HIP1: variants seen among roughly 807,000 people sequenced by gnomAD.
HIP1 encodes the protein huntingtin-interacting protein 1.
Under a neutral mutation model 147.6 loss-of-function variants are expected in HIP1, and 65 were observed. The observed-to-expected ratio is 0.44, with a 90% confidence interval of 0.36 to 0.54. The LOEUF (loss-of-function observed/expected upper bound fraction) is 0.54. Among genes scored for constraint, HIP1 ranks in the 20% least tolerant of loss-of-function variants. HIP1 has a pLI of 0.00. For synonymous variants in HIP1, 479 were observed against 504.0 expected, an observed-to-expected ratio of 0.95 and a Z score of 0.67; for missense variants, 1,061 against 1,299.6, an observed-to-expected ratio of 0.82 and a Z score of 2.82.
intron 1 of HIP1, among the ~76,000 whole-genome samples, chr7:75,714,511 G>A (rs1584972820): frequency 6.7e-6 from 1 of 148,890 alleles, no homozygotes; most frequent in East Asian, 2.0e-4. Context: ...GGAGTGCAGT[G>A]GCACAATCTC....
chr7:75,551,258 T>C (rs895623846), intron 22 of HIP1, among the ~76,000 whole-genome samples: 3 of 134,600 alleles, frequency 2.2e-5, no homozygotes, highest in Admixed American at 8.5e-5. Context: ...AGTGCAGTGG[T>C]GCAATCTCGG....
intron 1 of HIP1, among the ~76,000 whole-genome samples, chr7:75,670,182 C>A (rs1554515103): frequency 6.6e-6 from 1 of 151,944 alleles, no homozygotes; most frequent in African/African-American, 2.4e-5. Context: ...GGGTCTCACT[C>A]TGTTGCCTAG....
intron 5 of HIP1, among the ~76,000 whole-genome samples, chr7:75,585,165 A>G (rs1796206526): frequency 7.0e-6 from 1 of 142,462 alleles, no homozygotes; most frequent in African/African-American, 2.6e-5. Context: ...TAACACTTTC[A>G]ATCTCTACTC....
intron 1 of HIP1, among the ~76,000 whole-genome samples, chr7:75,647,136 C>T (rs993943332): frequency 1.4e-5 from 2 of 139,722 alleles, no homozygotes; most frequent in Non-Finnish European, 3.0e-5. Flanking sequence ...GAGGCTGAGG[C>T]GAGCAGATCA....
Position 75,536,864 on chromosome 7 carries a change from A to C in HIP1, c.*1308T>G, listed in dbSNP as rs144048066. The C allele has an allele frequency of 3.9e-3, 903 of 230,716 alleles. 5 individuals carry two copies. Among genetic ancestry groups the C allele is most frequent in the Middle Eastern group, 0.018 (14 of 776 alleles). 14.3% of individuals were successfully genotyped at this position (230,716 alleles called of 1,614,324 possible). A position where few individuals can be genotyped will look rare whatever the true frequency, so the allele number is the denominator to read the frequency against. ...CTGATTGCTCCAAGCATCTCTTTGT[A>C]GGCTGTTGCTGCTTAAGGGAGGTTA... On this transcript the variant is annotated 3_prime_UTR_variant, in exon 31 of 31. Transcript: ENST00000336926.
At chr7:75,576,244 A>C (rs1191186853) in intron 7 of HIP1, among the ~76,000 whole-genome samples, 1 of 152,204 alleles carries the variant, frequency 6.6e-6, no homozygotes, top group Non-Finnish European at 1.5e-5. Context: ...CTTCAATGAG[A>C]ATGCTGGGAA....
In HIP1 at chr7:75,560,001, C is replaced by T. The variant is rs1795167690; in HGVS notation, c.1192-86G>A. 26 of 1,304,810 alleles carry T rather than the reference C, an allele frequency of 2.0e-5. 1 individual carries two copies. In the South Asian group the frequency reaches 3.8e-4, roughly 19 times the overall value. 80.8% of individuals were successfully genotyped at this position (1,304,810 alleles called of 1,614,324 possible). A position where few individuals can be genotyped will look rare whatever the true frequency, so the allele number is the denominator to read the frequency against. On this transcript the variant is annotated intron_variant, in intron 13 of 30. Coordinates refer to ENST00000336926, the MANE Select transcript of HIP1 (RefSeq NM_005338.7). ...CGGAGAAGCGGGTCCTACCATGCTTCCAAGTAAATACCTGATTCCCCTAAG... is the reference window on the plus strand; with the variant it reads ...CGGAGAAGCGGGTCCTACCATGCTTTCAAGTAAATACCTGATTCCCCTAAG...
chr7:75,638,002 A>ACC (rs1798499383), intron 1 of HIP1, among the ~76,000 whole-genome samples: 1 of 45,090 alleles, frequency 2.2e-5, no homozygotes, highest in Non-Finnish European at 3.9e-5. Context: ...CCACACACAC[A>ACC]CATACACACA....
chr7:75,708,645 G>GA (rs1554519905), intron 1 of HIP1, among the ~76,000 whole-genome samples: 2 of 152,012 alleles, frequency 1.3e-5, no homozygotes. Flanking sequence ...GCACTCTGTT[G>GA]AAAAATCATT....
intron 1 of HIP1, among the ~76,000 whole-genome samples, chr7:75,639,905 C>T (rs1175067017): frequency 6.6e-6 from 1 of 152,180 alleles, no homozygotes. Context: ...CCCAGGAAGG[C>T]TCTGAGCGTC....
chr7:75,617,981 T>A (rs1382073054), intron 1 of HIP1, among the ~76,000 whole-genome samples: 1 of 152,170 alleles, frequency 6.6e-6, no homozygotes, highest in Non-Finnish European at 1.5e-5. Flanking sequence ...CAGACTGGAG[T>A]GGCCTTTCGT....
chr7:75,604,811 CA>C (rs1268543958), intron 1 of HIP1, among the ~76,000 whole-genome samples: 1 of 152,104 alleles, frequency 6.6e-6, no homozygotes, highest in Admixed American at 6.6e-5. Context: ...ACTGCTTGAC[CA>C]ATTGCTCAAA....
chr7:75,540,188 G>GGCTT (rs1554489580), intron 29 of HIP1, among the ~76,000 whole-genome samples: 1 of 152,126 alleles, frequency 6.6e-6, no homozygotes, highest in East Asian at 1.9e-4. Context: ...AGCACTTTGG[G>GGCTT]AGGCCAACGT....
Position 75,562,948 on chromosome 7 carries a change from T to A in HIP1, c.1007A>T (p.Asp336Val), listed in dbSNP as rs1795280845. 1 of 1,614,164 alleles carries A rather than the reference T, an allele frequency of 6.2e-7. No individual in the cohort carries two copies. Among genetic ancestry groups the A allele is most frequent in the Non-Finnish European group, 8.5e-7 (1 of 1,180,016 alleles). ...AGTGGTCCTCACCTGCTGAGAGGCA[T>A]CCATGTCCATGAGGTCATCCTTCTC... ...VLEKDDLMDM[D>V]ASQQNLFDNK... The change falls in exon 11 of 31, where the codon GAT (aspartate) becomes GTT (valine). Residue 336 changes from aspartate to valine, a missense_variant. By Grantham distance (152) the Asp-to-Val change is radical. Transcript: ENST00000336926.
chr7:75,661,025 T>C (rs1554513512), intron 1 of HIP1, among the ~76,000 whole-genome samples: 1 of 152,034 alleles, frequency 6.6e-6, no homozygotes, highest in Non-Finnish European at 1.5e-5. Flanking sequence ...ACGCCTGTAA[T>C]GCTAACACTT....
chr7:75,651,185 C>T (rs1476129118), intron 1 of HIP1, among the ~76,000 whole-genome samples: 1 of 151,860 alleles, frequency 6.6e-6, no homozygotes, highest in East Asian at 1.9e-4. Context: ...AGACCTGAGG[C>T]ACAGTGGCTC....
At chr7:75,611,803 C>G in intron 1 of HIP1, 4 of 1,034,626 alleles carry the variant, frequency 3.9e-6, no homozygotes, top group Non-Finnish European at 4.7e-6. Flanking sequence ...CCTGACCCAG[C>G]AGGCCCTCGT....
In HIP1 at chr7:75,624,936, A is replaced by T. The variant is rs1340845704; in HGVS notation, c.121-25689T>A. Among the ~76,000 whole-genome samples, 26 of 139,206 alleles carry T rather than the reference A, an allele frequency of 1.9e-4. No individual in the cohort carries two copies. In the East Asian group the frequency reaches 3.8e-3, roughly 20 times the overall value. The allele number at this position is 139,206 out of a possible 152,430, so 91.3% of individuals were successfully genotyped here. The stretch of plus-strand genomic sequence containing the variant: ...CTGTACATAGGTGTATTTTTGTTTA[A>T]TTTTTTTTTTTTTTTTTTGAGATGT... On this transcript the variant is annotated intron_variant, in intron 1 of 30. Coordinates refer to ENST00000336926, the MANE Select transcript of HIP1 (RefSeq NM_005338.7).
chr7:75,703,370 G>A (rs1324350547), intron 1 of HIP1, among the ~76,000 whole-genome samples: 1 of 151,922 alleles, frequency 6.6e-6, no homozygotes, highest in African/African-American at 2.4e-5. Flanking sequence ...AAGCCCAGGT[G>A]CGGTGGTTCA....
Sources: allele counts gnomAD v4.1 joint callset (sites outside exome capture counted in the v4.1 genomes callset), GRCh38; gene constraint gnomAD v4.1.1; transcripts MANE v1.5; gene names NCBI Gene and HGNC (gene_info 2026-07-23, HGNC 2026-07-21).